The following FAM149A variants were observed in gnomAD, a reference collection of about 807,000 sequenced individuals.
FAM149A encodes family with sequence similarity 149 member A, also known as protein FAM149A.
In FAM149A, 71 loss-of-function variants were observed where a neutral mutation model predicts 78.2. The ratio of observed to expected loss-of-function variants is 0.91; its 90% CI spans 0.75 to 1.11. The LOEUF (loss-of-function observed/expected upper bound fraction) is 1.11, where lower values mean the gene tolerates loss of function less well. Ranked by LOEUF, FAM149A falls within the 50% of genes least tolerant of loss-of-function variation. FAM149A has a pLI of 0.00. For missense variants in FAM149A, 1,036 were observed against 971.0 expected (o/e 1.07, Z -0.89); for synonymous variants, 446 against 410.5 (o/e 1.09, Z -1.04).
intron 1 of FAM149A, chr4:186,133,201 A>C (rs2099321500): frequency 1.0e-6 from 1 of 984,668 alleles, no homozygotes; most frequent in Non-Finnish European, 1.2e-6. Context: ...TGTGATAAAT[A>C]TGCATGAGAC....
chr4:186,123,894 A>ACAC (rs2126307351), intron 1 of FAM149A: 1 of 928,454 alleles, frequency 1.1e-6, no homozygotes, highest in Non-Finnish European at 1.3e-6. Flanking sequence ...AAAAAATAAA[A>ACAC]CACTTTTTGT....
At chr4:186,133,054 G>A (rs79818047) in intron 1 of FAM149A, 14,290 of 985,370 alleles carry the variant, frequency 0.015, 113 homozygotes, top group Non-Finnish European at 0.016. Flanking sequence ...GTGAGTAAAG[G>A]CTTCTGACTC....
In FAM149A at chr4:186,149,263, A is replaced by C; in HGVS notation, c.657A>C (p.Lys219Asn). Residue 219 changes from lysine to asparagine, a missense_variant, in exon 2 of 14, where the codon AAA becomes AAC. This residue lies in a region of FAM149A where 716 missense variants were observed against 711.8 expected (regional missense o/e 1.01). Coordinates refer to ENST00000389354, the MANE Select transcript of FAM149A (RefSeq NM_001367768.3). The stretch of plus-strand genomic sequence containing the variant: ...CGCATTTTACAAGAAATGTGCAGAA[A>C]GCCATTGATAAATATACCTGGTAAG... The C allele has an allele frequency of 7.8e-7, 1 of 1,288,820 alleles. No individual in the cohort carries two copies. Among genetic ancestry groups the C allele is most frequent in the Non-Finnish European group, 1.0e-6 (1 of 988,620 alleles). 79.8% of individuals were successfully genotyped at this position (1,288,820 alleles called of 1,614,324 possible). A position where few individuals can be genotyped will look rare whatever the true frequency, so the allele number is the denominator to read the frequency against.
At chr4:186,156,304 G>A in intron 7 of FAM149A, 114 bp downstream of exon 7, 1 of 748,368 alleles carries the variant, frequency 1.3e-6, no homozygotes, top group Non-Finnish European at 2.2e-6. Flanking sequence ...GAAGACAAGT[G>A]GGTGTTCTGA....
chr4:186,157,519 A>T, intron 7 of FAM149A, 46 bp from the exon 8 acceptor site: 1 of 1,571,154 alleles, frequency 6.4e-7, no homozygotes, highest in Non-Finnish European at 8.8e-7. Context: ...TATTTGTATT[A>T]GATAATCTGA....
At chr4:186,171,583 C>G (rs1282267536) in intron 13 of FAM149A, among the ~76,000 whole-genome samples, 1 of 151,974 alleles carries the variant, frequency 6.6e-6, no homozygotes. Context: ...GGCATTGCAC[C>G]TGCCCCTGGG....
At chr4:186,123,996 G>C (rs970957846) in intron 1 of FAM149A, 1 of 985,324 alleles carries the variant, frequency 1.0e-6, no homozygotes, top group African/African-American at 1.7e-5. Context: ...TCTAATGTGT[G>C]AAAGAAGGGG....
At chr4:186,110,484 G>A (rs1346330223) in intron 1 of FAM149A, among the ~76,000 whole-genome samples, 4 of 143,722 alleles carry the variant, frequency 2.8e-5, no homozygotes, top group African/African-American at 1.0e-4. Flanking sequence ...ATGCTGGTGC[G>A]CTGCACCCAC....
chr4:186,157,821 C>T, intron 8 of FAM149A, 102 bp downstream of exon 8: 1 of 1,560,176 alleles, frequency 6.4e-7, no homozygotes, highest in Non-Finnish European at 8.7e-7. Flanking sequence ...TTTGGGGCTG[C>T]TTTCCACGCT....
intron 1 of FAM149A, chr4:186,146,794 A>G (rs1029563226): frequency 5.1e-6 from 5 of 985,188 alleles, no homozygotes; most frequent in Admixed American, 6.1e-5. Flanking sequence ...GAATATTTTC[A>G]TGTCAGGTCA....
chr4:186,169,836 C>A, intron 13 of FAM149A: 1 of 985,454 alleles, frequency 1.0e-6, no homozygotes, highest in South Asian at 4.7e-5. Context: ...GTCATCTGCG[C>A]CTCACTGCCT....
rs371413725 is a variant in FAM149A, at chr4:186,172,010, G to C, written c.*23G>C. On this transcript the variant is annotated 3_prime_UTR_variant, in exon 14 of 14. Transcript: ENST00000389354. ...TGAAACCACCTCACCAGAACCATTG[G>C]AGCACCTGTGGCCTCGGCACACTGC... is the stretch of plus-strand genomic sequence containing the variant. 3 of 1,607,808 alleles carry C rather than the reference G, an allele frequency of 1.9e-6. No homozygotes were observed. Among genetic ancestry groups the C allele is most frequent in the East Asian group, 4.5e-5 (2 of 44,474 alleles).
chr4:186,131,668 C>T (rs1028373349), intron 1 of FAM149A, among the ~76,000 whole-genome samples: 5 of 152,192 alleles, frequency 3.3e-5, no homozygotes, highest in African/African-American at 1.2e-4. Flanking sequence ...TACCTCAAGT[C>T]ACACTACACA....
intron 1 of FAM149A, among the ~76,000 whole-genome samples, chr4:186,113,183 G>A (rs1304675209): frequency 1.0e-4 from 2 of 19,272 alleles, no homozygotes; most frequent in African/African-American, 1.4e-4. Flanking sequence ...GTTTATTTGC[G>A]TAGAGGTGTT....
intron 1 of FAM149A, chr4:186,129,888 C>T (rs2099319857): frequency 1.3e-5 from 2 of 152,168 alleles, no homozygotes; most frequent in Non-Finnish European, 2.9e-5. Flanking sequence ...ACCAAGTAGA[C>T]TCCCAAGTAA....
At chr4:186,134,813 G>A (rs962093333) in intron 1 of FAM149A, among the ~76,000 whole-genome samples, 3 of 151,982 alleles carry the variant, frequency 2.0e-5, no homozygotes, top group Non-Finnish European at 4.4e-5. Context: ...CTGAGACCTC[G>A]CTTTTTCTTC....
At chr4:186,169,088 T>A (rs1183944227) in intron 13 of FAM149A, 1 of 519,400 alleles carries the variant, frequency 1.9e-6, no homozygotes, top group African/African-American at 2.1e-5. Flanking sequence ...TGGGAAGTAG[T>A]TGGAGCACAC....
intron 9 of FAM149A, 88 bp from the exon 10 acceptor site, chr4:186,163,336 C>G (rs1734763975): frequency 2.0e-6 from 2 of 1,010,748 alleles, no homozygotes; most frequent in Non-Finnish European, 3.1e-6. Flanking sequence ...CCAGACTGTT[C>G]TAGGCAGTGC....
chr4:186,171,944 G>A lies in FAM149A; in HGVS notation c.2249G>A (p.Arg750Lys). ...CAATATGTGCCTAAATCTTTTCAGA[G>A]GACAACTTTGACTTTCAAGAGGAGA... is the stretch of plus-strand genomic sequence containing the variant. Residue 750 changes from arginine to lysine, a missense_variant, in exon 14 of 14, where the codon AGG becomes AAG. This residue lies in a region of FAM149A where 716 missense variants were observed against 711.8 expected (regional missense o/e 1.01). Coordinates refer to ENST00000389354, the MANE Select transcript of FAM149A (RefSeq NM_001367768.3). The A allele has an allele frequency of 6.2e-7, 1 of 1,612,024 alleles. No homozygotes were observed. The highest frequency in any genetic ancestry group is 8.5e-7 in the Non-Finnish European group (1 of 1,179,206).
Sources: allele counts gnomAD v4.1 joint callset (sites outside exome capture counted in the v4.1 genomes callset), GRCh38; gene constraint gnomAD v4.1.1; regional missense constraint gnomAD v4.1.1; transcripts MANE v1.5; gene names NCBI Gene and HGNC (gene_info 2026-07-23, HGNC 2026-07-21).